TRPM3: variants seen among roughly 807,000 people sequenced by gnomAD.
TRPM3 encodes the protein transient receptor potential cation channel subfamily M member 3.
Under a neutral mutation model 181.2 loss-of-function variants are expected in TRPM3, and 77 were observed. The ratio of observed to expected loss-of-function variants is 0.42; its 90% CI spans 0.35 to 0.51. The LOEUF is 0.51. Among genes scored for constraint, TRPM3 ranks in the 20% least tolerant of loss-of-function variants. The probability of loss-of-function intolerance (pLI) is 0.01; values close to 1 mark genes in which losing one functional copy is unlikely to be tolerated. For synonymous variants in TRPM3, 745 were observed against 796.4 expected, an observed-to-expected ratio of 0.94 and a Z score of 1.09; for missense variants, 1,759 against 2,196.7, an observed-to-expected ratio of 0.80 and a Z score of 3.98.
At chr9:71,184,806 A>T (rs970350357) in intron 1 of TRPM3, among the ~76,000 whole-genome samples, 3 of 152,114 alleles carry the variant, frequency 2.0e-5, no homozygotes, top group Admixed American at 6.6e-5. Flanking sequence ...TTACATGCTC[A>T]TCCAAATTTA....
intron 1 of TRPM3, among the ~76,000 whole-genome samples, chr9:71,016,971 A>G (rs1320914980): frequency 1.3e-5 from 2 of 152,166 alleles, no homozygotes; most frequent in African/African-American, 4.8e-5. Context: ...ACTGCAGAAC[A>G]TGACTTTTTG....
rs575257259 is a variant in TRPM3, at chr9:70,966,098, T to A, written c.178-101587A>T. Among the ~76,000 whole-genome samples the A allele has an allele frequency of 2.1e-5, 3 of 145,628 alleles. No homozygotes were observed. In the East Asian group the frequency reaches 6.0e-4, roughly 29 times the overall value. The stretch of plus-strand genomic sequence containing the variant: ...GAAGTGGGCAAATAGCATGAACAGA[T>A]AATTTCCAAAAGACGACATACATGT... On this transcript the variant is annotated intron_variant, in intron 1 of 25. Transcript: ENST00000677713.
intron 9 of TRPM3, among the ~76,000 whole-genome samples, chr9:70,663,256 G>A (rs1206418049): frequency 6.6e-6 from 1 of 152,144 alleles, no homozygotes; most frequent in Non-Finnish European, 1.5e-5. Context: ...TGGGAGTGGG[G>A]TGAGGGATAA....
chr9:70,545,009 C>T (rs375521246), intron 25 of TRPM3, among the ~76,000 whole-genome samples: 1 of 152,080 alleles, frequency 6.6e-6, no homozygotes, highest in African/African-American at 2.4e-5. Context: ...CTCATATATG[C>T]CCCTCAATAA....
chr9:71,028,039 G>A (rs2056799899), intron 1 of TRPM3, among the ~76,000 whole-genome samples: 1 of 152,044 alleles, frequency 6.6e-6, no homozygotes, highest in South Asian at 2.1e-4. Context: ...AGAAAAGAAA[G>A]AAAAAATGTT....
At chr9:70,987,574 G>A (rs1383311555) in intron 1 of TRPM3, among the ~76,000 whole-genome samples, 5 of 152,010 alleles carry the variant, frequency 3.3e-5, no homozygotes, top group South Asian at 2.1e-4. Flanking sequence ...GGCAAAAACC[G>A]CAATTAATTT....
chr9:71,357,735 A>T (rs931240951), intron 1 of TRPM3, among the ~76,000 whole-genome samples: 8 of 328 alleles, frequency 0.024, no homozygotes, highest in African/African-American at 0.034. Flanking sequence ...CTTTCCATAA[A>T]AAAAAAAAAA....
intron 1 of TRPM3, among the ~76,000 whole-genome samples, chr9:71,107,852 T>C (rs566652038): frequency 6.6e-6 from 1 of 152,336 alleles, no homozygotes; most frequent in African/African-American, 2.4e-5. Context: ...TTTTACCCCA[T>C]ATTTAGTTTA....
chr9:71,011,961 T>C (rs958861669), intron 1 of TRPM3, among the ~76,000 whole-genome samples: 4 of 151,658 alleles, frequency 2.6e-5, no homozygotes, highest in African/African-American at 9.7e-5. Context: ...TTTTATATTT[T>C]TAGTAGAGAT....
At chr9:70,584,632 T>G (rs2056721605) in intron 22 of TRPM3, among the ~76,000 whole-genome samples, 1 of 152,246 alleles carries the variant, frequency 6.6e-6, no homozygotes, top group Non-Finnish European at 1.5e-5. Context: ...TACTATTGCC[T>G]GACCACAACA....
At chr9:71,103,458 C>CAAA (rs1419117215) in intron 1 of TRPM3, among the ~76,000 whole-genome samples, 1 of 152,006 alleles carries the variant, frequency 6.6e-6, no homozygotes, top group Non-Finnish European at 1.5e-5. Context: ...TTTTAGAAGT[C>CAAA]AAAGTTGAAG....
At chr9:70,831,690 G>T (rs189165974) in intron 5 of TRPM3, among the ~76,000 whole-genome samples, 1 of 151,608 alleles carries the variant, frequency 6.6e-6, no homozygotes, top group Admixed American at 6.6e-5. Flanking sequence ...TGTCTGAAAG[G>T]GCTTCACATC....
In TRPM3 at chr9:70,762,197, A is replaced by T. The variant is rs925608344; in HGVS notation, c.1149-473T>A. On this transcript the variant is annotated intron_variant, in intron 7 of 25. Transcript: ENST00000677713. Reference sequence around the variant, plus strand: ...CATTAATAAGTTTTTGAACATCCATAAGCAGAAATAGGAATTATGTTTTCC... The same window carrying T: ...CATTAATAAGTTTTTGAACATCCATTAGCAGAAATAGGAATTATGTTTTCC... Among the ~76,000 whole-genome samples the T allele has an allele frequency of 6.6e-5, 10 of 152,292 alleles. 1 individual carries two copies. The South Asian group carries it at 1.2e-3, about 19-fold the overall frequency.
chr9:70,747,122 C>T (rs545344632), intron 8 of TRPM3, among the ~76,000 whole-genome samples: 1 of 152,066 alleles, frequency 6.6e-6, no homozygotes, highest in Non-Finnish European at 1.5e-5. Flanking sequence ...TATATATATG[C>T]TATGATATTA....
chr9:71,137,426 C>T (rs2074835576), intron 1 of TRPM3, among the ~76,000 whole-genome samples: 1 of 151,822 alleles, frequency 6.6e-6, no homozygotes, highest in Non-Finnish European at 1.5e-5. Context: ...AAGACCAGCT[C>T]ATCTAAGCAT....
chr9:70,647,678 G>T (rs1023261755), intron 9 of TRPM3, among the ~76,000 whole-genome samples: 1 of 152,076 alleles, frequency 6.6e-6, no homozygotes, highest in Admixed American at 6.6e-5. Context: ...CATAGTACTA[G>T]AAGCCCTTGA....
At chr9:70,811,348 G>T in intron 6 of TRPM3, 1 of 960,958 alleles carries the variant, frequency 1.0e-6, no homozygotes, top group Non-Finnish European at 1.6e-6. Flanking sequence ...TATACGTGAT[G>T]GCAACTCAAG....
intron 5 of TRPM3, among the ~76,000 whole-genome samples, chr9:70,829,066 T>C (rs7864774): frequency 0.44 from 66,236 of 152,000 alleles, 15,311 homozygotes; most frequent in Non-Finnish European, 0.5. Flanking sequence ...TACATGGTCT[T>C]AGTACAGCTA....
At chr9:70,987,446 T>C (rs936719228) in intron 1 of TRPM3, among the ~76,000 whole-genome samples, 1 of 152,182 alleles carries the variant, frequency 6.6e-6, no homozygotes, top group Non-Finnish European at 1.5e-5. Flanking sequence ...AATTGAAACA[T>C]ATGGAGCATT....
Sources: allele counts gnomAD v4.1 joint callset (sites outside exome capture counted in the v4.1 genomes callset), GRCh38; gene constraint gnomAD v4.1.1; transcripts MANE v1.5; gene names NCBI Gene and HGNC (gene_info 2026-07-23, HGNC 2026-07-21).